SUSD1: variants seen among roughly 807,000 people sequenced by gnomAD.
The protein encoded by SUSD1 is sushi domain containing 1.
A neutral mutation model predicts 86.9 loss-of-function variants in SUSD1; 65 were observed. The ratio of observed to expected loss-of-function variants is 0.75; its 90% CI spans 0.61 to 0.92. The LOEUF (loss-of-function observed/expected upper bound fraction) is 0.92. Ranked by LOEUF, SUSD1 falls within the 40% of genes least tolerant of loss-of-function variation. The pLI, the probability that SUSD1 is intolerant of heterozygous loss-of-function variation, is 0.00. For synonymous variants in SUSD1, 346 were observed against 350.0 expected, an observed-to-expected ratio of 0.99 and a Z score of 0.13; for missense variants, 850 against 929.7, an observed-to-expected ratio of 0.91 and a Z score of 1.11.
chr9:112,132,371 T>C (rs575451301), intron 5 of SUSD1, among the ~76,000 whole-genome samples: 72 of 152,016 alleles, frequency 4.7e-4, no homozygotes, highest in African/African-American at 1.5e-3. Context: ...AAATAAAATC[T>C]CCCCAGAAAA....
At chr9:112,144,343 A>T (rs1294914871) in intron 3 of SUSD1, among the ~76,000 whole-genome samples, 1 of 152,220 alleles carries the variant, frequency 6.6e-6, no homozygotes, top group Non-Finnish European at 1.5e-5. Flanking sequence ...AGTCACTAAA[A>T]TATATCCAGT....
intron 10 of SUSD1, among the ~76,000 whole-genome samples, chr9:112,085,147 T>C (rs1829924420): frequency 6.6e-6 from 1 of 152,154 alleles, no homozygotes; most frequent in African/African-American, 2.4e-5. Context: ...TCAAATGCAA[T>C]CAGCAATAAG....
intron 1 of SUSD1, among the ~76,000 whole-genome samples, chr9:112,168,632 T>C (rs1833918233): frequency 6.6e-6 from 1 of 152,092 alleles, no homozygotes; most frequent in Non-Finnish European, 1.5e-5. Flanking sequence ...AAAGAGATGT[T>C]CACAGTCAAG....
At chr9:112,098,251 A>ATCCC (rs1830480664) in intron 10 of SUSD1, among the ~76,000 whole-genome samples, 1 of 152,142 alleles carries the variant, frequency 6.6e-6, no homozygotes, top group Non-Finnish European at 1.5e-5. Flanking sequence ...AAATCAGTCT[A>ATCCC]TCCTTGGTCT....
chr9:112,076,082 T>C (rs569630841), intron 12 of SUSD1, among the ~76,000 whole-genome samples: 1 of 152,286 alleles, frequency 6.6e-6, no homozygotes, highest in Admixed American at 6.5e-5. Flanking sequence ...TGGATTCCAT[T>C]CTAACTTTAA....
At chr9:112,145,165 A>G (rs114210463) in intron 3 of SUSD1, among the ~76,000 whole-genome samples, 1,838 of 152,242 alleles carry the variant, frequency 0.012, 49 homozygotes, top group African/African-American at 0.042. Context: ...TGAAATTCCT[A>G]GGACATTGGC....
rs1828580816 is a variant in SUSD1 at position 112,058,900 on chromosome 9, TCTC to T, written c.1851-217_1851-215del. On this transcript the variant is annotated intron_variant, in intron 13 of 16. Coordinates refer to ENST00000374270, the MANE Select transcript of SUSD1 (RefSeq NM_022486.5). Reference sequence around the variant, plus strand: ...CCTCCATCTCCCAGGTTCAAGCAATTCTCCTGCCTCAGCCTCCCAAGTAGCTGG... The same window carrying T: ...CCTCCATCTCCCAGGTTCAAGCAATTCTGCCTCAGCCTCCCAAGTAGCTGG... Among the ~76,000 whole-genome samples the T allele has an allele frequency of 2.6e-5, 4 of 152,240 alleles. No individual in the cohort carries two copies. In the East Asian group the frequency reaches 7.7e-4, roughly 29 times the overall value.
chr9:112,138,244 T>TACAC lies in SUSD1; in HGVS notation c.706+4075_706+4076insGTGT. ...ATCTCAAAAAAAAAATGTGTATATA[T>TACAC]ATATATATATATGTGTATATACATA... is the stretch of plus-strand genomic sequence containing the variant. On this transcript the variant is annotated intron_variant, in intron 5 of 16. Coordinates refer to ENST00000374270, the MANE Select transcript of SUSD1 (RefSeq NM_022486.5). Among the ~76,000 whole-genome samples, 49 of 98,282 alleles carry TACAC rather than the reference T, an allele frequency of 5.0e-4. 6 individuals are homozygous for TACAC. The highest frequency in any genetic ancestry group is 2.6e-3 in the African/African-American group (48 of 18,320). The allele number at this position is 98,282 out of a possible 152,430, so 64.5% of individuals were successfully genotyped here.
intron 12 of SUSD1, among the ~76,000 whole-genome samples, chr9:112,074,989 C>T (rs1266899085): frequency 1.3e-5 from 2 of 152,192 alleles, no homozygotes; most frequent in East Asian, 3.9e-4. Context: ...TCTATTCAGC[C>T]TACCAAACAA....
At chr9:112,065,798 T>A (rs746842425) in intron 12 of SUSD1, among the ~76,000 whole-genome samples, 3 of 152,164 alleles carry the variant, frequency 2.0e-5, no homozygotes, top group Non-Finnish European at 4.4e-5. Context: ...TTAGGCCTGT[T>A]GAGGGAATTA....
At chr9:112,092,282 T>G (rs1427004494) in intron 10 of SUSD1, among the ~76,000 whole-genome samples, 1 of 152,252 alleles carries the variant, frequency 6.6e-6, no homozygotes, top group African/African-American at 2.4e-5. Context: ...TTTCTGCCAC[T>G]CTACACTGAA....
At chr9:112,089,855 G>C (rs1398214624) in intron 10 of SUSD1, among the ~76,000 whole-genome samples, 1 of 148,738 alleles carries the variant, frequency 6.7e-6, no homozygotes, top group Non-Finnish European at 1.5e-5. Flanking sequence ...AAAGAAAGCA[G>C]AAATAATGAT....
chr9:112,136,489 C>T (rs192587748), intron 5 of SUSD1, among the ~76,000 whole-genome samples: 2 of 152,320 alleles, frequency 1.3e-5, no homozygotes, highest in Non-Finnish European at 2.9e-5. Context: ...CCTTCTTGGT[C>T]TCCCAAAGTG....
At chr9:112,047,789 C>T (rs971620675) in intron 15 of SUSD1, among the ~76,000 whole-genome samples, 1 of 152,104 alleles carries the variant, frequency 6.6e-6, no homozygotes, top group African/African-American at 2.4e-5. Context: ...TACCTGCTGG[C>T]TTTTCCACTT....
chr9:112,072,584 C>T (rs560432714), intron 12 of SUSD1, among the ~76,000 whole-genome samples: 7 of 152,262 alleles, frequency 4.6e-5, no homozygotes, highest in African/African-American at 1.7e-4. Flanking sequence ...TTCTCATGCA[C>T]GTTTTATAAA....
Position 112,083,024 on chromosome 9 carries a change from C to A in SUSD1, c.1475-2859G>T, listed in dbSNP as rs1036236246. ...CAAAGTGCTGGATTATAAATGTAAG[C>A]CACTGTACCCAGCCCTCATGTTATT... On this transcript the variant is annotated intron_variant, in intron 10 of 16. Transcript: ENST00000374270. Among the ~76,000 whole-genome samples, 4 of 152,060 alleles carry A rather than the reference C, an allele frequency of 2.6e-5. No individual in the cohort carries two copies. In the South Asian group the frequency reaches 6.2e-4, roughly 24 times the overall value.
intron 10 of SUSD1, among the ~76,000 whole-genome samples, chr9:112,085,079 T>C (rs1829920856): frequency 6.6e-6 from 1 of 152,216 alleles, no homozygotes; most frequent in Non-Finnish European, 1.5e-5. Flanking sequence ...ATCTTCTTAA[T>C]CTTTGCACTC....
At chr9:112,133,878 C>G (rs530879070) in intron 5 of SUSD1, among the ~76,000 whole-genome samples, 1 of 152,252 alleles carries the variant, frequency 6.6e-6, no homozygotes, top group East Asian at 1.9e-4. Context: ...AAGCAAACAA[C>G]AAATAACTCC....
At position 112,105,204 on chromosome 9, in the gene SUSD1, G is replaced by T. The variant is rs1830786032; in HGVS notation, c.1172-2919C>A. On this transcript the variant is annotated intron_variant, in intron 8 of 16. Coordinates refer to ENST00000374270, the MANE Select transcript of SUSD1 (RefSeq NM_022486.5). ...TGCAAAAATGCATATTTGTGTAAGT[G>T]CACATAGAGAACAAACTTGTTATAT... Among the ~76,000 whole-genome samples, 4 of 152,126 alleles carry T rather than the reference G, an allele frequency of 2.6e-5. No individual in the cohort carries two copies. In the South Asian group the frequency reaches 8.3e-4, roughly 31 times the overall value.
Sources: gnomAD v4.1 joint callset for allele counts (sites outside exome capture counted in the v4.1 genomes callset) on GRCh38, gnomAD v4.1.1 for gene constraint, MANE v1.5 for transcripts, NCBI Gene and HGNC (gene_info 2026-07-23, HGNC 2026-07-21) for gene names.